Variants in CPXM2 observed in about 807,000 individuals in gnomAD.
The protein encoded by CPXM2 is carboxypeptidase X, M14 family member 2, also known as inactive carboxypeptidase-like protein X2.
In CPXM2, 66 loss-of-function variants were observed where a neutral mutation model predicts 86.1. That is an observed-to-expected ratio of 0.77 (90% CI 0.63 to 0.94). CPXM2 has a LOEUF of 0.94. Ranked by LOEUF, CPXM2 falls within the 40% of genes least tolerant of loss-of-function variation. The pLI, the probability that CPXM2 is intolerant of heterozygous loss-of-function variation, is 0.00. For synonymous variants in CPXM2, 388 were observed against 400.2 expected (o/e 0.97, Z 0.36); for missense variants, 948 against 1,026.3 (o/e 0.92, Z 1.04).
intron 1 of CPXM2, among the ~76,000 whole-genome samples, chr10:123,889,849 G>A (rs1945238612): frequency 6.6e-6 from 1 of 151,936 alleles, no homozygotes. Context: ...GTGACTGCCA[G>A]AACCCAACAT....
chr10:123,937,470 A>AACACACACACACACACACAC (rs201368456), intron 2 of CPXM2, among the ~76,000 whole-genome samples: 79 of 132,660 alleles, frequency 6.0e-4, no homozygotes, highest in Middle Eastern at 3.8e-3. Context: ...ACAACAAAAC[A>AACACACACACACACACACAC]ACACACACAC....
At chr10:123,766,404 AG>A (rs1846472844) in intron 10 of CPXM2, among the ~76,000 whole-genome samples, 1 of 152,238 alleles carries the variant, frequency 6.6e-6, no homozygotes, top group Non-Finnish European at 1.5e-5. Context: ...GAACTCTTGA[AG>A]GGTGTTTAAG....
In CPXM2 at chr10:123,760,297, G is replaced by A. The variant is rs770204619; in HGVS notation, c.1777+1575C>T. Reference sequence around the variant, plus strand: ...TTTTACTTAAAGCTTTTGGTAGGTGGGTTTTTAGGGCTAAAAACTTGAAAA... The same window carrying A: ...TTTTACTTAAAGCTTTTGGTAGGTGAGTTTTTAGGGCTAAAAACTTGAAAA... On this transcript the variant is annotated intron_variant, in intron 11 of 13. Coordinates refer to ENST00000241305, the MANE Select transcript of CPXM2 (RefSeq NM_198148.3). Among the ~76,000 whole-genome samples the A allele has an allele frequency of 2.0e-5, 3 of 152,232 alleles. No homozygotes were observed. The South Asian group carries it at 6.2e-4, about 32-fold the overall frequency.
At chr10:123,847,919 T>C (rs1038767719) in intron 3 of CPXM2, among the ~76,000 whole-genome samples, 1 of 152,146 alleles carries the variant, frequency 6.6e-6, no homozygotes, top group African/African-American at 2.4e-5. Flanking sequence ...ATGGGCTGCC[T>C]CTACACAGAA....
intron 11 of CPXM2, among the ~76,000 whole-genome samples, chr10:123,760,935 C>A (rs964127724): frequency 1.9e-4 from 6 of 31,916 alleles, no homozygotes; most frequent in Non-Finnish European, 4.7e-4. Flanking sequence ...AAATATTTTG[C>A]AAATTCATCG....
chr10:123,935,157 G>A (rs1293959880), intron 2 of CPXM2, among the ~76,000 whole-genome samples: 1 of 152,180 alleles, frequency 6.6e-6, no homozygotes, highest in Non-Finnish European at 1.5e-5. Context: ...GCTGCATGGA[G>A]CCCACTCAAT....
chr10:123,886,122 T>C (rs916434218), intron 1 of CPXM2, among the ~76,000 whole-genome samples: 1 of 152,244 alleles, frequency 6.6e-6, no homozygotes, highest in African/African-American at 2.4e-5. Flanking sequence ...CTTGGAATTC[T>C]ATAGGGAGTT....
At chr10:123,846,347 C>G (rs527549131) in intron 3 of CPXM2, among the ~76,000 whole-genome samples, 1 of 152,152 alleles carries the variant, frequency 6.6e-6, no homozygotes, top group African/African-American at 2.4e-5. Flanking sequence ...TCATAAGGAG[C>G]GCACAACCCA....
At chr10:123,852,983 G>A (rs1848636292) in intron 3 of CPXM2, among the ~76,000 whole-genome samples, 1 of 152,112 alleles carries the variant, frequency 6.6e-6, no homozygotes, top group Admixed American at 6.5e-5. Context: ...CTGTGTCCCT[G>A]CCCAAATCTC....
At chr10:123,750,179 C>T in intron 13 of CPXM2, 1 of 985,276 alleles carries the variant, frequency 1.0e-6, no homozygotes, top group Non-Finnish European at 1.2e-6. Flanking sequence ...TTGTTCTGTC[C>T]TTGTGGCCCT....
chr10:123,809,121 T>A (rs935513384), intron 4 of CPXM2, among the ~76,000 whole-genome samples: 1 of 152,132 alleles, frequency 6.6e-6, no homozygotes, highest in African/African-American at 2.4e-5. Flanking sequence ...TGCCCATTAG[T>A]CACTTAGTGG....
intron 3 of CPXM2, among the ~76,000 whole-genome samples, chr10:123,847,319 G>A (rs1848513824): frequency 6.6e-6 from 1 of 152,208 alleles, no homozygotes; most frequent in Admixed American, 6.5e-5. Flanking sequence ...GAAGTCAGGA[G>A]TTCTAGACTA....
intron 4 of CPXM2, among the ~76,000 whole-genome samples, chr10:123,817,327 C>A (rs1042846848): frequency 9.2e-5 from 14 of 152,176 alleles, no homozygotes; most frequent in African/African-American, 2.9e-4. Context: ...GATAGGCATG[C>A]TGTCTGGAGC....
intron 13 of CPXM2, among the ~76,000 whole-genome samples, chr10:123,753,652 G>A (rs1044328453): frequency 6.6e-6 from 1 of 152,178 alleles, no homozygotes; most frequent in African/African-American, 2.4e-5. Flanking sequence ...TGTTCCTGCT[G>A]TTGCTGAGTG....
rs1847370658 is a variant in CPXM2, at chr10:123,798,003, T to C, written c.862A>G (p.Met288Val). The change falls in exon 6 of 14, where the codon ATG becomes GTG. Residue 288 changes from methionine to valine, a missense_variant. Physicochemically the swap from Met to Val is conservative, Grantham distance 21. Coordinates refer to ENST00000241305, the MANE Select transcript of CPXM2 (RefSeq NM_198148.3). ...WFDNGSICMR[M>V]EILGCPLPDP... ...GGCAGTGGGCAGCCCAGGATCTCCA[T>C]TCTCATGCAGATGCTCCCATTATCA... 6.2e-7 allele frequency: 1 copy of C among 1,609,742 alleles called. No individual in the cohort carries two copies. The highest frequency in any genetic ancestry group is 8.5e-7 in the Non-Finnish European group (1 of 1,177,890).
At chr10:123,936,052 C>T (rs1945716082) in intron 2 of CPXM2, among the ~76,000 whole-genome samples, 1 of 116,374 alleles carries the variant, frequency 8.6e-6, no homozygotes, top group Non-Finnish European at 1.9e-5. Flanking sequence ...ACCATCATCA[C>T]CATCACCATC....
chr10:123,834,403 T>C (rs1473835843), intron 4 of CPXM2, among the ~76,000 whole-genome samples: 1 of 152,088 alleles, frequency 6.6e-6, no homozygotes, highest in Non-Finnish European at 1.5e-5. Flanking sequence ...TCAGGGTAAG[T>C]ACAAACAAAT....
intron 4 of CPXM2, among the ~76,000 whole-genome samples, chr10:123,836,697 T>G (rs866106331): frequency 6.6e-6 from 1 of 152,170 alleles, no homozygotes; most frequent in South Asian, 2.1e-4. Context: ...CACCTCCTAC[T>G]TCACCAAGAA....
chr10:123,773,321 C>A (rs1846697491), intron 7 of CPXM2, among the ~76,000 whole-genome samples: 1 of 151,982 alleles, frequency 6.6e-6, no homozygotes, highest in Non-Finnish European at 1.5e-5. Context: ...GTTATCACCT[C>A]CCTGGTTGTG....
Sources: allele counts gnomAD v4.1 joint callset (sites outside exome capture counted in the v4.1 genomes callset), GRCh38; gene constraint gnomAD v4.1.1; transcripts MANE v1.5; gene names NCBI Gene and HGNC (gene_info 2026-07-23, HGNC 2026-07-21).